The following CNTNAP2 variants were observed in gnomAD, a reference collection of about 807,000 sequenced individuals.
CNTNAP2 encodes contactin associated protein 2, also known as contactin-associated protein-like 2.
A neutral mutation model predicts 155.2 loss-of-function variants in CNTNAP2; 98 were observed. The observed-to-expected ratio is 0.63, with a 90% CI of 0.54 to 0.75. The LOEUF (loss-of-function observed/expected upper bound fraction) is 0.75, where lower values mean the gene tolerates loss of function less well. Ranked by LOEUF, CNTNAP2 falls within the 30% of genes least tolerant of loss-of-function variation. The probability of loss-of-function intolerance (pLI) is 0.00; values close to 1 mark genes in which losing one functional copy is unlikely to be tolerated. For missense variants in CNTNAP2, 1,727 were observed against 1,688.1 expected, an observed-to-expected ratio of 1.02 and a Z score of -0.40; for synonymous variants, 651 against 631.2, an observed-to-expected ratio of 1.03 and a Z score of -0.47.
chr7:146,959,893 G>C (rs1797521197), intron 3 of CNTNAP2, among the ~76,000 whole-genome samples: 1 of 152,078 alleles, frequency 6.6e-6, no homozygotes, highest in Non-Finnish European at 1.5e-5. Context: ...GTAATTATTG[G>C]AGAGACCTAG....
chr7:147,732,688 T>C (rs909438570), intron 13 of CNTNAP2, among the ~76,000 whole-genome samples: 8 of 152,202 alleles, frequency 5.3e-5, no homozygotes, highest in African/African-American at 1.4e-4. Flanking sequence ...CCACATCTTC[T>C]CCAGCACCTG....
intron 3 of CNTNAP2, among the ~76,000 whole-genome samples, chr7:146,971,505 G>T (rs1461116257): frequency 1.3e-5 from 2 of 152,178 alleles, no homozygotes; most frequent in Admixed American, 1.3e-4. Flanking sequence ...AAATTCCTTA[G>T]AGGTGGATAG....
chr7:146,424,337 G>A (rs1042363398), intron 1 of CNTNAP2, among the ~76,000 whole-genome samples: 3 of 152,144 alleles, frequency 2.0e-5, no homozygotes, highest in African/African-American at 7.2e-5. Context: ...AGCAAGATCA[G>A]CAAAGGGAAA....
chr7:147,933,191 C>A (rs574906021), intron 14 of CNTNAP2, among the ~76,000 whole-genome samples: 17 of 151,808 alleles, frequency 1.1e-4, no homozygotes, highest in African/African-American at 4.1e-4. Context: ...GAAATTGGAA[C>A]CCTTGTACAT....
chr7:148,043,625 C>T (rs1171840282), intron 15 of CNTNAP2, among the ~76,000 whole-genome samples: 2 of 152,148 alleles, frequency 1.3e-5, no homozygotes, highest in Non-Finnish European at 2.9e-5. Context: ...ATTTCTCTCC[C>T]TATATTTCCC....
chr7:147,135,689 C>T (rs919162881), intron 8 of CNTNAP2, among the ~76,000 whole-genome samples: 4 of 151,150 alleles, frequency 2.6e-5, no homozygotes, highest in Admixed American at 2.6e-4. Flanking sequence ...TACCCAAAAC[C>T]TACTGACACA....
intron 13 of CNTNAP2, among the ~76,000 whole-genome samples, chr7:147,702,055 G>GTTTTT (rs553693695): frequency 4.5e-5 from 5 of 111,898 alleles, no homozygotes; most frequent in Admixed American, 8.6e-5. Context: ...ACTTTGGTTG[G>GTTTTT]TTTTTTTTTT....
At chr7:148,121,691 G>A (rs1256572269) in intron 16 of CNTNAP2, among the ~76,000 whole-genome samples, 1 of 152,118 alleles carries the variant, frequency 6.6e-6, no homozygotes, top group African/African-American at 2.4e-5. Flanking sequence ...CTTCTGTCAA[G>A]AGTGGAAGAT....
intron 3 of CNTNAP2, among the ~76,000 whole-genome samples, chr7:146,925,992 A>G (rs1796600147): frequency 6.6e-6 from 1 of 152,038 alleles, no homozygotes; most frequent in African/African-American, 2.4e-5. Context: ...TCTTGTCCAA[A>G]CTGGAAGACC....
rs1048323880 is a variant in CNTNAP2, at chr7:147,085,080, G to T, written c.551-23067G>T. On this transcript the variant is annotated intron_variant, in intron 4 of 23. Coordinates refer to ENST00000361727, the MANE Select transcript of CNTNAP2 (RefSeq NM_014141.6). ...CCAAGTTAGAAAAGCATTTTTTGTT[G>T]TTTATTAATAAACCAATCAAAGCTG... Among the ~76,000 whole-genome samples, 190 of 151,842 alleles carry T rather than the reference G, an allele frequency of 1.3e-3. 4 individuals are homozygous for T. The highest frequency in any genetic ancestry group is 1.6e-4 in the Non-Finnish European group (11 of 67,944).
intron 15 of CNTNAP2, among the ~76,000 whole-genome samples, chr7:148,028,564 A>G (rs1802413229): frequency 6.6e-6 from 1 of 152,244 alleles, no homozygotes; most frequent in Admixed American, 6.5e-5. Flanking sequence ...TAACAGAACA[A>G]GACCCCGTCT....
intron 13 of CNTNAP2, among the ~76,000 whole-genome samples, chr7:147,789,000 G>A (rs1338015254): frequency 1.3e-5 from 2 of 149,554 alleles, no homozygotes; most frequent in East Asian, 3.9e-4. Context: ...TGCCTCCTGG[G>A]CTCAAGAAAT....
intron 8 of CNTNAP2, among the ~76,000 whole-genome samples, chr7:147,148,690 G>T (rs1008804811): frequency 1.3e-5 from 2 of 152,202 alleles, no homozygotes; most frequent in Admixed American, 6.5e-5. Context: ...CTGACTTCAG[G>T]AGTGAAGCCA....
intron 1 of CNTNAP2, among the ~76,000 whole-genome samples, chr7:146,469,919 A>G (rs77241217): frequency 0.021 from 3,175 of 150,694 alleles, 73 homozygotes; most frequent in African/African-American, 0.052. Context: ...GGCTCACTGC[A>G]AACTCCGCCT....
In CNTNAP2 at chr7:147,855,569, G is replaced by A. The variant is rs534086501; in HGVS notation, c.2099-47996G>A. ...TGGGAGGCCAAAGTGGACAGATCAC[G>A]TGAGATCAGGAGTTTGAGACCAGTC... On this transcript the variant is annotated intron_variant, in intron 13 of 23. Transcript: ENST00000361727. 9.9e-5 allele frequency among the ~76,000 whole-genome samples: 15 copies of A among 151,834 alleles called. No individual in the cohort carries two copies. The South Asian group carries it at 2.7e-3, about 27-fold the overall frequency.
intron 14 of CNTNAP2, among the ~76,000 whole-genome samples, chr7:147,974,666 C>G (rs957337287): frequency 4.6e-5 from 7 of 152,072 alleles, no homozygotes; most frequent in African/African-American, 1.7e-4. Flanking sequence ...ACCAACATTA[C>G]CAAGTGCTGA....
At chr7:147,662,918 T>C (rs1028807719) in intron 13 of CNTNAP2, among the ~76,000 whole-genome samples, 1 of 152,248 alleles carries the variant, frequency 6.6e-6, no homozygotes, top group African/African-American at 2.4e-5. Flanking sequence ...TGACATACTT[T>C]AGTTTGCAGA....
intron 3 of CNTNAP2, among the ~76,000 whole-genome samples, chr7:146,920,807 A>C (rs1796484045): frequency 6.6e-6 from 1 of 152,200 alleles, no homozygotes; most frequent in Non-Finnish European, 1.5e-5. Context: ...ACGAGTTGTG[A>C]GTAAGCCTGA....
intron 18 of CNTNAP2, among the ~76,000 whole-genome samples, chr7:148,201,455 T>C (rs797013654): frequency 2.3e-4 from 35 of 152,332 alleles, no homozygotes; most frequent in African/African-American, 7.9e-4. Flanking sequence ...TATAATTTAG[T>C]TTTTACACCA....
Sources: gnomAD v4.1 joint callset for allele counts (sites outside exome capture counted in the v4.1 genomes callset) on GRCh38, gnomAD v4.1.1 for gene constraint, MANE v1.5 for transcripts, NCBI Gene and HGNC (gene_info 2026-07-23, HGNC 2026-07-21) for gene names.